Variants in CACNA2D1 observed in about 807,000 individuals in gnomAD.
CACNA2D1 encodes the protein calcium voltage-gated channel auxiliary subunit alpha2delta 1, also known as voltage-dependent calcium channel subunit alpha-2/delta-1.
In CACNA2D1, 53 loss-of-function variants were observed where a neutral mutation model predicts 171.5. That is an observed-to-expected ratio of 0.31 (90% CI 0.25 to 0.39). The LOEUF (loss-of-function observed/expected upper bound fraction) is 0.39. CACNA2D1 is among the 10% of genes least tolerant of loss of function. The pLI is 1.00. For synonymous variants in CACNA2D1, 442 were observed against 443.1 expected, an observed-to-expected ratio of 1.00 and a Z score of 0.03; for missense variants, 903 against 1,299.8, an observed-to-expected ratio of 0.69 and a Z score of 4.69.
At chr7:82,436,984 G>C (rs999297469) in intron 1 of CACNA2D1, among the ~76,000 whole-genome samples, 3 of 152,080 alleles carry the variant, frequency 2.0e-5, no homozygotes, top group African/African-American at 7.2e-5. Context: ...AGACTTGCTT[G>C]ACAACTTTGG....
chr7:82,250,245 G>T (rs1333002194), intron 3 of CACNA2D1, among the ~76,000 whole-genome samples: 4 of 152,188 alleles, frequency 2.6e-5, no homozygotes, highest in Non-Finnish European at 5.9e-5. Context: ...TCAAACATAA[G>T]AACTTTTGGG....
intron 3 of CACNA2D1, among the ~76,000 whole-genome samples, chr7:82,180,256 G>C (rs1430031604): frequency 6.6e-6 from 1 of 152,180 alleles, no homozygotes; most frequent in African/African-American, 2.4e-5. Context: ...TGTCCTGGCA[G>C]ACCCCTTTAG....
intron 5 of CACNA2D1, 68 bp downstream of exon 5, chr7:82,136,567 A>C: frequency 1.6e-5 from 18 of 1,156,160 alleles, no homozygotes; most frequent in East Asian, 2.5e-5. Context: ...AGCTCAATTT[A>C]TTCTATATAA....
chr7:82,374,675 T>C (rs2129448622), intron 1 of CACNA2D1, among the ~76,000 whole-genome samples: 1 of 152,156 alleles, frequency 6.6e-6, no homozygotes, highest in Admixed American at 6.5e-5. Flanking sequence ...TAAAAGCTTT[T>C]TATACAGCAG....
At chr7:82,367,073 T>C (rs2129447824) in intron 1 of CACNA2D1, among the ~76,000 whole-genome samples, 1 of 151,388 alleles carries the variant, frequency 6.6e-6, no homozygotes, top group Middle Eastern at 3.4e-3. Context: ...TGCCAGGCTA[T>C]TTGTTTTTTA....
chr7:82,322,113 G>A (rs1288877303), intron 3 of CACNA2D1, among the ~76,000 whole-genome samples: 2 of 95,578 alleles, frequency 2.1e-5, no homozygotes, highest in Admixed American at 1.7e-4. Flanking sequence ...GTGACAGAGC[G>A]AGACTCCGTC....
intron 7 of CACNA2D1, among the ~76,000 whole-genome samples, chr7:82,079,960 T>C (rs1208126852): frequency 6.6e-6 from 1 of 151,784 alleles, no homozygotes. Context: ...TGTGTGTGTA[T>C]GTCAAAACTT....
At chr7:82,237,977 C>T (rs2129289772) in intron 3 of CACNA2D1, among the ~76,000 whole-genome samples, 1 of 151,182 alleles carries the variant, frequency 6.6e-6, no homozygotes, top group South Asian at 2.1e-4. Context: ...CTTATAGTTA[C>T]ACAATATTTT....
At chr7:82,426,178 A>AATAC (rs201260299) in intron 1 of CACNA2D1, among the ~76,000 whole-genome samples, 1 of 102,698 alleles carries the variant, frequency 9.7e-6, no homozygotes, top group African/African-American at 4.0e-5. Flanking sequence ...TAAATAAATA[A>AATAC]ATACATAAAT....
chr7:82,145,366 CATTATAT>C (rs959025014), intron 4 of CACNA2D1, among the ~76,000 whole-genome samples: 30 of 140,088 alleles, frequency 2.1e-4, no homozygotes, highest in African/African-American at 4.1e-4. Context: ...ATATATTACA[CATTATAT>C]ATTATATATT....
At chr7:82,422,956 C>A (rs1231168131) in intron 1 of CACNA2D1, among the ~76,000 whole-genome samples, 2 of 151,960 alleles carry the variant, frequency 1.3e-5, no homozygotes, top group African/African-American at 4.8e-5. Flanking sequence ...CTAAGGTCCA[C>A]AAAATGAAAA....
intron 15 of CACNA2D1, chr7:82,009,178 C>G (rs533543271): frequency 1.3e-5 from 2 of 152,256 alleles, no homozygotes; most frequent in Admixed American, 6.6e-5. Context: ...TCGCTCAACA[C>G]TTATTCTCTC....
At chr7:81,961,536 A>G (rs1794115227) in intron 36 of CACNA2D1, among the ~76,000 whole-genome samples, 1 of 151,532 alleles carries the variant, frequency 6.6e-6, no homozygotes, top group African/African-American at 2.4e-5. Context: ...ATATTTAATA[A>G]CTTTATATTA....
At chr7:82,084,984 A>G in intron 6 of CACNA2D1, 84 bp from the exon 7 acceptor site, 1 of 1,135,806 alleles carries the variant, frequency 8.8e-7, no homozygotes, top group Non-Finnish European at 1.3e-6. Context: ...AAATAATATT[A>G]AATATGTTCA....
At chr7:82,217,731 T>C (rs1297066484) in intron 3 of CACNA2D1, among the ~76,000 whole-genome samples, 2 of 150,884 alleles carry the variant, frequency 1.3e-5, no homozygotes, top group Admixed American at 6.6e-5. Context: ...AAATTTAAGG[T>C]TATTAAAATT....
intron 6 of CACNA2D1, among the ~76,000 whole-genome samples, chr7:82,092,670 G>A (rs1811338414): frequency 6.6e-6 from 1 of 150,852 alleles, no homozygotes. Context: ...TGGGATTACA[G>A]GTGTGAGCCA....
intron 3 of CACNA2D1, among the ~76,000 whole-genome samples, chr7:82,316,133 A>C (rs929636765): frequency 9.9e-5 from 15 of 152,146 alleles, no homozygotes; most frequent in African/African-American, 3.6e-4. Context: ...ACAATCACTA[A>C]GAATTCCTAA....
At chr7:82,147,938 A>G (rs1793333074) in intron 4 of CACNA2D1, among the ~76,000 whole-genome samples, 1 of 152,210 alleles carries the variant, frequency 6.6e-6, no homozygotes, top group African/African-American at 2.4e-5. Flanking sequence ...ATTATGAAAT[A>G]AACATTCACA....
At chr7:81,975,750 T>C (rs1795774339) in intron 24 of CACNA2D1, among the ~76,000 whole-genome samples, 1 of 152,168 alleles carries the variant, frequency 6.6e-6, no homozygotes, top group Non-Finnish European at 1.5e-5. Flanking sequence ...TTATACAATA[T>C]TGAAAATTTA....
Sources: gnomAD v4.1 joint callset for allele counts (sites outside exome capture counted in the v4.1 genomes callset) on GRCh38, gnomAD v4.1.1 for gene constraint, MANE v1.5 for transcripts, NCBI Gene and HGNC (gene_info 2026-07-23, HGNC 2026-07-21) for gene names.